Variants in ZNF157 observed in about 807,000 individuals in gnomAD.
ZNF157 encodes zinc finger protein 157, also known as zinc finger protein 22.
ZNF157 carries 8 observed loss-of-function variants against 9.4 expected under a neutral mutation model. The ratio of observed to expected loss-of-function variants is 0.85; its 90% confidence interval spans 0.50 to 1.53. The LOEUF is 1.53. Among genes scored for constraint, ZNF157 ranks in the 40% most tolerant of loss-of-function variants. The pLI is 0.00. For missense variants in ZNF157, 316 were observed against 385.2 expected (o/e 0.82, Z 1.50); for synonymous variants, 120 against 130.8 (o/e 0.92, Z 0.56).
Position 47,413,870 on chromosome X carries a change from A to G in ZNF157, c.*276A>G, listed in dbSNP as rs935810527. 1.7e-5 allele frequency: 4 copies of G among 236,108 alleles called. No homozygotes were observed. Among genetic ancestry groups the G allele is most frequent in the African/African-American group, 2.9e-5 (1 of 34,736 alleles). 19.5% of individuals were successfully genotyped at this position (236,108 alleles called of 1,213,427 possible). On this transcript the variant is annotated 3_prime_UTR_variant, in exon 4 of 4. Transcript: ENST00000377073. The stretch of plus-strand genomic sequence containing the variant: ...CTGTTCATCTCTTGCTTTTTGGTTT[A>G]AATGTTGTTTTTTAACATATGAGAA...
intron 1 of ZNF157, chrX:47,388,723 T>C: frequency 6.3e-6 from 1 of 158,988 alleles, no homozygotes; most frequent in Admixed American, 5.5e-5. Context: ...TCTGGGGTCA[T>C]TGTGACGGGG....
intron 1 of ZNF157, among the ~76,000 whole-genome samples, chrX:47,383,739 C>T (rs1168433099): frequency 3.8e-5 from 4 of 106,278 alleles, no homozygotes; most frequent in Admixed American, 2.1e-4. Context: ...GGCTCCACCC[C>T]GGGATGGGGA....
intron 1 of ZNF157, among the ~76,000 whole-genome samples, chrX:47,382,185 A>G (rs760112132): frequency 9.2e-6 from 1 of 109,194 alleles, no homozygotes; most frequent in Non-Finnish European, 1.9e-5. Flanking sequence ...GTCTCAGGTG[A>G]GCAGAGGGAG....
chrX:47,385,878 G>T (rs778497092), intron 1 of ZNF157, among the ~76,000 whole-genome samples: 2 of 110,230 alleles, frequency 1.8e-5, no homozygotes, highest in African/African-American at 6.6e-5. Flanking sequence ...ATGATTCCAC[G>T]TATGAATTCA....
chrX:47,409,181 G>GT (rs1362344536), intron 1 of ZNF157, among the ~76,000 whole-genome samples: 1 of 111,519 alleles, frequency 9.0e-6, no homozygotes, highest in Non-Finnish European at 1.9e-5. Context: ...GTCTATCTCA[G>GT]TTTTTCTTCC....
chrX:47,370,718 G>A lies in ZNF157; in HGVS notation c.50G>A (p.Gly17Glu), dbSNP rs780126156. 8.3e-7 allele frequency: 1 copy of A among 1,204,518 alleles called. No individual in the cohort carries two copies. The highest frequency in any genetic ancestry group is 1.8e-5 in the South Asian group (1 of 55,516). Reference sequence around the variant, plus strand: ...CAGAGATTCCCTGCCCTGATTCCAGGAGAACCTGGCAGATCTTTTGAGGTA... The same window carrying A: ...CAGAGATTCCCTGCCCTGATTCCAGAAGAACCTGGCAGATCTTTTGAGGTA... ...SPQRFPALIP[G>E]EPGRSFEGSV... The change falls in exon 1 of 4, where the codon GGA (glycine) becomes GAA (glutamate). Residue 17 changes from glycine to glutamate, a missense_variant. Gly to Glu is a moderately conservative substitution (Grantham distance 98, BLOSUM62 -2). Transcript: ENST00000377073.
chrX:47,412,851 A>G lies in ZNF157; in HGVS notation c.778A>G (p.Thr260Ala), dbSNP rs1324761711. The G allele has an allele frequency of 9.9e-6, 12 of 1,208,297 alleles. No homozygotes were observed. The highest frequency in any genetic ancestry group is 1.3e-5 in the Non-Finnish European group (12 of 894,618). Residue 260 changes from threonine (T) to alanine (A), a missense_variant, in exon 4 of 4, where the codon ACC (threonine) becomes GCC (alanine). Thr to Ala is a moderately conservative substitution (Grantham distance 58). Around this residue, in one of 3 missense-constraint regions of ZNF157, gnomAD observed 3 missense variants for 17.7 expected, o/e 0.17. Transcript: ENST00000377073. ...ECGKTFSEKA[T>A]LTIHQRTHTG... ...TGGGAAAACCTTTTCTGAGAAGGCA[A>G]CCCTCACGATTCATCAGAGAACTCA... is the stretch of plus-strand genomic sequence containing the variant.
At chrX:47,381,527 G>A (rs768866639) in intron 1 of ZNF157, among the ~76,000 whole-genome samples, 44 of 111,887 alleles carry the variant, frequency 3.9e-4, no homozygotes, top group Non-Finnish European at 7.1e-4. Context: ...AACGTAAATG[G>A]TATTATGTTT....
chrX:47,378,094 A>C (rs1277121410), intron 1 of ZNF157, among the ~76,000 whole-genome samples: 1 of 111,114 alleles, frequency 9.0e-6, no homozygotes, highest in African/African-American at 3.3e-5. Flanking sequence ...ATTATTACTC[A>C]AATCAGTCTC....
At position 47,413,448 on chromosome X, in the gene ZNF157, G is replaced by T. The variant is rs749220595; in HGVS notation, c.1375G>T (p.Glu459Ter). The part of the protein sequence containing the change: ...NAFYVKVRLI[E>*]HQRIHTGERP... ...CTTCTATGTGAAAGTACGCCTCATT[G>T]AACATCAGCGAATTCACACAGGAGA... Residue 459 changes from glutamate (E) to a stop codon, truncating the protein, a stop_gained, in exon 4 of 4, where the codon GAA becomes TAA. Transcript: ENST00000377073. LOFTEE classifies it low-confidence loss of function (END_TRUNC). 7 of 1,209,588 alleles carry T rather than the reference G, an allele frequency of 5.8e-6. No individual in the cohort carries two copies. In the East Asian group the frequency reaches 2.1e-4, roughly 36 times the overall value.
At chrX:47,385,544 CGTGTGTGTGTGTGTGT>C (rs10687283) in intron 1 of ZNF157, among the ~76,000 whole-genome samples, 1 of 90,368 alleles carries the variant, frequency 1.1e-5, no homozygotes, top group Non-Finnish European at 2.2e-5. Context: ...TAAGCGATTC[CGTGTGTGTGTGTGTGT>C]GTGTGTGTGT....
At chrX:47,393,752 T>C (rs2055904999) in intron 1 of ZNF157, among the ~76,000 whole-genome samples, 1 of 94,435 alleles carries the variant, frequency 1.1e-5, no homozygotes, top group Non-Finnish European at 2.1e-5. Context: ...CCTTTTTTTT[T>C]TTTTTAGACA....
At chrX:47,402,587 C>T (rs992942871) in intron 1 of ZNF157, among the ~76,000 whole-genome samples, 28 of 105,511 alleles carry the variant, frequency 2.7e-4, no homozygotes, top group African/African-American at 9.7e-4. Context: ...TCGCCCAGGC[C>T]GGAGTGCAGT....
intron 3 of ZNF157, among the ~76,000 whole-genome samples, chrX:47,411,397 G>A (rs747396595): frequency 1.5e-4 from 16 of 108,088 alleles, no homozygotes; most frequent in Non-Finnish European, 2.7e-4. Flanking sequence ...GCTCAGGCTC[G>A]AGTGCAGTGG....
intron 1 of ZNF157, among the ~76,000 whole-genome samples, chrX:47,395,675 A>G (rs2147408645): frequency 8.9e-6 from 1 of 112,177 alleles, no homozygotes; most frequent in Admixed American, 9.6e-5. Context: ...AAATAAATAA[A>G]TATTGTGGTC....
intron 1 of ZNF157, among the ~76,000 whole-genome samples, chrX:47,381,317 A>AG (rs769227038): frequency 3.6e-5 from 4 of 110,843 alleles, no homozygotes; most frequent in East Asian, 2.8e-4. Context: ...GTGGGGTTTG[A>AG]GGGGGGGTGC....
At chrX:47,376,097 C>A (rs1381522792) in intron 1 of ZNF157, among the ~76,000 whole-genome samples, 2 of 111,837 alleles carry the variant, frequency 1.8e-5, no homozygotes, top group African/African-American at 3.2e-5. Context: ...AAGGTTCCTC[C>A]ATGTTTTTTT....
At chrX:47,382,218 T>G (rs756303167) in intron 1 of ZNF157, among the ~76,000 whole-genome samples, 1 of 109,586 alleles carries the variant, frequency 9.1e-6, no homozygotes, top group African/African-American at 3.3e-5. Flanking sequence ...TGTCTGTCCT[T>G]TGTCATCCTG....
chrX:47,376,821 G>A (rs1023719241), intron 1 of ZNF157, among the ~76,000 whole-genome samples: 3 of 111,312 alleles, frequency 2.7e-5, no homozygotes, highest in Non-Finnish European at 5.6e-5. Context: ...GTTCATTCCC[G>A]AGCATAGGCT....
Sources: gnomAD v4.1 joint callset for allele counts (sites outside exome capture counted in the v4.1 genomes callset) on GRCh38, gnomAD v4.1.1 for gene constraint, gnomAD v4.1.1 regional missense constraint, MANE v1.5 for transcripts, NCBI Gene and HGNC (gene_info 2026-07-23, HGNC 2026-07-21) for gene names.